Variants in IQCK observed in about 807,000 individuals in gnomAD.
The protein encoded by IQCK is IQ domain-containing protein K.
A neutral mutation model predicts 28.1 loss-of-function variants in IQCK; 29 were observed. The observed-to-expected ratio is 1.03, with a 90% confidence interval of 0.77 to 1.41. The LOEUF is 1.41. IQCK is among the 40% of genes most tolerant of loss of function. IQCK has a pLI of 0.00. For synonymous variants in IQCK, 113 were observed against 115.1 expected (o/e 0.98, Z 0.12); for missense variants, 359 against 314.7 (o/e 1.14, Z -1.07).
chr16:19,723,510 T>C (rs1470967935), intron 1 of IQCK, among the ~76,000 whole-genome samples: 1 of 152,102 alleles, frequency 6.6e-6, no homozygotes. Flanking sequence ...TTAGAAAGGT[T>C]AGGAAACTTG....
At chr16:19,772,703 CAAA>C (rs1285943208) in intron 6 of IQCK, among the ~76,000 whole-genome samples, 2 of 152,050 alleles carry the variant, frequency 1.3e-5, no homozygotes, top group Non-Finnish European at 2.9e-5. Flanking sequence ...ATTTCCATAA[CAAA>C]AATTTTTTTA....
At chr16:19,742,835 A>G (rs181003633) in intron 4 of IQCK, among the ~76,000 whole-genome samples, 33 of 152,290 alleles carry the variant, frequency 2.2e-4, no homozygotes, top group Admixed American at 5.9e-4. Flanking sequence ...TAGGAACTCA[A>G]TGAGTATTTA....
chr16:19,771,297 G>A (rs1039030448), intron 6 of IQCK, among the ~76,000 whole-genome samples: 5 of 152,150 alleles, frequency 3.3e-5, no homozygotes, highest in African/African-American at 1.2e-4. Flanking sequence ...TTGGCATGTT[G>A]CCCAGGTGGG....
At chr16:19,778,786 GAAAC>G (rs2055433921) in intron 6 of IQCK, among the ~76,000 whole-genome samples, 2 of 152,174 alleles carry the variant, frequency 1.3e-5, no homozygotes, top group Non-Finnish European at 2.9e-5. Flanking sequence ...TGCGAGTAGA[GAAAC>G]AAAGGTTTTT....
chr16:19,772,469 T>G (rs927057486), intron 6 of IQCK, among the ~76,000 whole-genome samples: 1 of 152,114 alleles, frequency 6.6e-6, no homozygotes, highest in Non-Finnish European at 1.5e-5. Flanking sequence ...TTATTTAAGA[T>G]ATGATGATGA....
intron 6 of IQCK, among the ~76,000 whole-genome samples, chr16:19,777,440 G>A (rs906730315): frequency 6.6e-6 from 1 of 152,004 alleles, no homozygotes; most frequent in African/African-American, 2.4e-5. Context: ...AAAATTTGTT[G>A]TCATGCCCTC....
chr16:19,805,041 G>C (rs1238987948), intron 7 of IQCK, among the ~76,000 whole-genome samples: 1 of 152,150 alleles, frequency 6.6e-6, no homozygotes, highest in African/African-American at 2.4e-5. Context: ...AGCTGTTCCA[G>C]GAAGGGGGGT....
intron 4 of IQCK, among the ~76,000 whole-genome samples, chr16:19,742,357 C>G (rs181543209): frequency 7.9e-5 from 12 of 152,264 alleles, no homozygotes; most frequent in Admixed American, 7.8e-4. Flanking sequence ...CCTCCATGTT[C>G]CCCCGTCCCC....
intron 1 of IQCK, among the ~76,000 whole-genome samples, chr16:19,727,130 CAAA>C (rs540006290): frequency 2.0e-5 from 2 of 98,924 alleles, no homozygotes; most frequent in Non-Finnish European, 4.3e-5. Context: ...GACTCGGTCT[CAAA>C]AAAAAAAAAA....
intron 2 of IQCK, 25 bp from the exon 3 acceptor site, chr16:19,733,673 C>T: frequency 6.2e-7 from 1 of 1,610,958 alleles, no homozygotes; most frequent in Non-Finnish European, 8.5e-7. Flanking sequence ...AAATGAATTG[C>T]CTCCCCTCCC....
At position 19,728,115 on chromosome 16, in the gene IQCK, C is replaced by T. The variant is rs535844824; in HGVS notation, c.182-2315C>T. Among the ~76,000 whole-genome samples the T allele has an allele frequency of 8.4e-3, 1,272 of 151,894 alleles. 21 individuals are homozygous for T. Among genetic ancestry groups the T allele is most frequent in the African/African-American group, 0.029 (1,203 of 41,394 alleles). On this transcript the variant is annotated intron_variant, in intron 1 of 7. Coordinates refer to ENST00000564186, the Ensembl canonical transcript of IQCK. ...CAAGCAGAAGAGATTCTCCTGCTGC[C>T]CTTGAAGTAGCAGCAATCAAGTTGT...
intron 2 of IQCK, 141 bp downstream of exon 2, chr16:19,730,635 C>A: frequency 1.9e-6 from 1 of 523,586 alleles, no homozygotes. Flanking sequence ...AAACTTGGGG[C>A]CAATCCCAGC....
chr16:19,852,700 G>A (rs996256042), intron 9 of IQCK, among the ~76,000 whole-genome samples: 14 of 143,968 alleles, frequency 9.7e-5, no homozygotes, highest in African/African-American at 3.6e-4. Context: ...TTGGCTTACT[G>A]CAAGCTCCGC....
intron 4 of IQCK, among the ~76,000 whole-genome samples, chr16:19,741,943 C>T (rs1361740034): frequency 6.6e-6 from 1 of 152,120 alleles, no homozygotes; most frequent in Non-Finnish European, 1.5e-5. Flanking sequence ...GCCAAGATCT[C>T]ATCACTGCAG....
At chr16:19,719,726 A>G (rs964519598) in intron 1 of IQCK, among the ~76,000 whole-genome samples, 39 of 144,806 alleles carry the variant, frequency 2.7e-4, no homozygotes, top group Non-Finnish European at 4.6e-4. Flanking sequence ...CCAGGCTGGA[A>G]TGCAGTGGCA....
chr16:19,754,438 T>C (rs2055025825), intron 4 of IQCK, among the ~76,000 whole-genome samples: 1 of 152,194 alleles, frequency 6.6e-6, no homozygotes, highest in Non-Finnish European at 1.5e-5. Context: ...CCTCTTCTCC[T>C]ATCTTACTCC....
chr16:19,785,067 C>G (rs536318059), intron 6 of IQCK, among the ~76,000 whole-genome samples: 1 of 152,292 alleles, frequency 6.6e-6, no homozygotes, highest in East Asian at 1.9e-4. Flanking sequence ...CACGGCGCCC[C>G]GCCTCAATAA....
At chr16:19,770,662 A>C (rs1299350008) in intron 6 of IQCK, among the ~76,000 whole-genome samples, 1 of 151,562 alleles carries the variant, frequency 6.6e-6, no homozygotes, top group East Asian at 1.9e-4. Context: ...TAACTCTGTC[A>C]CCCAGGGTGG....
chr16:19,841,865 G>A (rs2056365664), intron 9 of IQCK, among the ~76,000 whole-genome samples: 1 of 137,602 alleles, frequency 7.3e-6, no homozygotes, highest in South Asian at 2.4e-4. Flanking sequence ...TTTTTTTTGA[G>A]ACGCAGTTTT....
Sources: allele counts gnomAD v4.1 joint callset (sites outside exome capture counted in the v4.1 genomes callset), GRCh38; gene constraint gnomAD v4.1.1; transcripts MANE v1.5; gene names NCBI Gene and HGNC (gene_info 2026-07-23, HGNC 2026-07-21).